The following RUNX3 variants were observed in gnomAD, a reference collection of about 807,000 sequenced individuals.
The protein encoded by RUNX3 is RUNX family transcription factor 3.
In RUNX3, 10 loss-of-function variants were observed where a neutral mutation model predicts 27.7. The observed-to-expected ratio is 0.36, with a 90% CI of 0.22 to 0.61. The LOEUF (loss-of-function observed/expected upper bound fraction) is 0.61, where lower values mean the gene tolerates loss of function less well. Among genes scored for constraint, RUNX3 ranks in the 20% least tolerant of loss-of-function variants. RUNX3 has a pLI of 0.72. For synonymous variants in RUNX3, 270 were observed against 269.2 expected, an observed-to-expected ratio of 1.00 and a Z score of -0.03; for missense variants, 469 against 629.5, an observed-to-expected ratio of 0.75 and a Z score of 2.73.
At chr1:24,918,256 G>A (rs1037354998) in intron 3 of RUNX3, among the ~76,000 whole-genome samples, 10 of 151,626 alleles carry the variant, frequency 6.6e-5, no homozygotes, top group African/African-American at 2.4e-4. Context: ...TCCTGCCCCA[G>A]GCCTGCTCAG....
upstream of RUNX3, among the ~76,000 whole-genome samples, chr1:24,932,163 C>T (rs933760256): frequency 6.6e-6 from 1 of 152,210 alleles, no homozygotes; most frequent in African/African-American, 2.4e-5. Context: ...CTTGTTCCTC[C>T]GCCTGATTTC....
chr1:24,946,281 T>C (rs1641603649), intron 2 of RUNX3, among the ~76,000 whole-genome samples: 1 of 152,148 alleles, frequency 6.6e-6, no homozygotes, highest in Non-Finnish European at 1.5e-5. Flanking sequence ...ATTAAAACCA[T>C]CCATAATCCT....
intron 1 of RUNX3, chr1:24,964,815 A>G (rs1642217680): frequency 1.9e-6 from 2 of 1,046,954 alleles, no homozygotes; most frequent in Non-Finnish European, 2.6e-6. Flanking sequence ...ATCCCCAAGG[A>G]AAGTAAGTTT....
At chr1:24,909,344 C>T (rs1199180470) in intron 3 of RUNX3, among the ~76,000 whole-genome samples, 1 of 152,220 alleles carries the variant, frequency 6.6e-6, no homozygotes, top group Non-Finnish European at 1.5e-5. Flanking sequence ...TCTTTCCAGA[C>T]ATTTTTCATC....
intron 3 of RUNX3, among the ~76,000 whole-genome samples, chr1:24,908,188 C>T (rs1312780254): frequency 5.2e-4 from 76 of 145,984 alleles, no homozygotes; most frequent in African/African-American, 1.9e-3. Flanking sequence ...CTCTACGACA[C>T]GCGGTGATCC....
chr1:24,919,060 G>A (rs906536868), intron 3 of RUNX3, among the ~76,000 whole-genome samples, 180 bp downstream of exon 3: 1 of 152,228 alleles, frequency 6.6e-6, no homozygotes, highest in Non-Finnish European at 1.5e-5. Context: ...GGCCTCCCAC[G>A]GTCTCAGGCT....
chr1:24,949,656 C>T (rs1641707977), intron 2 of RUNX3, among the ~76,000 whole-genome samples: 1 of 152,262 alleles, frequency 6.6e-6, no homozygotes, highest in South Asian at 2.1e-4. Context: ...GCTTTTCATT[C>T]CCCGTGATGT....
chr1:24,957,852 C>T (rs763165413), intron 2 of RUNX3, among the ~76,000 whole-genome samples: 6 of 152,318 alleles, frequency 3.9e-5, no homozygotes, highest in African/African-American at 9.6e-5. Context: ...CGCCACACAG[C>T]GAGGAAGTGG....
At chr1:24,942,395 C>T (rs547344271) in intron 2 of RUNX3, among the ~76,000 whole-genome samples, 49 of 152,264 alleles carry the variant, frequency 3.2e-4, no homozygotes, top group Non-Finnish European at 1.8e-4. Context: ...TAAATAAGCA[C>T]GCCAATATTT....
At chr1:24,953,664 A>G (rs1641837579) in intron 2 of RUNX3, among the ~76,000 whole-genome samples, 1 of 152,182 alleles carries the variant, frequency 6.6e-6, no homozygotes, top group African/African-American at 2.4e-5. Flanking sequence ...CTTCTTAGAC[A>G]TATCCTAACA....
rs146713296 is a variant in RUNX3, at chr1:24,919,679, T to C, written c.440-335A>G. Among the ~76,000 whole-genome samples the C allele has an allele frequency of 1.1e-3, 161 of 152,166 alleles. 1 individual carries two copies. Among genetic ancestry groups the C allele is most frequent in the African/African-American group, 3.7e-3 (152 of 41,486 alleles). On this transcript the variant is annotated intron_variant, in intron 2 of 4. Transcript: ENST00000308873. Reference sequence around the variant, plus strand: ...TGGGGAGCAGGATGGGTATATTCTATTTTCTGAAAGTAATTGGTGATCTTT... The same window carrying C: ...TGGGGAGCAGGATGGGTATATTCTACTTTCTGAAAGTAATTGGTGATCTTT...
intron 2 of RUNX3, among the ~76,000 whole-genome samples, chr1:24,940,529 A>G (rs1177654905): frequency 6.6e-6 from 1 of 152,190 alleles, no homozygotes; most frequent in Admixed American, 6.5e-5. Context: ...GTCATCCCAG[A>G]ATTTCTGCTC....
intron 2 of RUNX3, among the ~76,000 whole-genome samples, chr1:24,951,760 C>T (rs1425443175): frequency 1.3e-5 from 2 of 152,192 alleles, no homozygotes; most frequent in East Asian, 3.8e-4. Context: ...ATGCAGGCTG[C>T]CTGGGTGGGT....
intron 2 of RUNX3, among the ~76,000 whole-genome samples, chr1:24,954,265 G>A (rs1218417799): frequency 6.6e-6 from 1 of 152,172 alleles, no homozygotes; most frequent in Non-Finnish European, 1.5e-5. Flanking sequence ...GATCCTTCAG[G>A]TGTTCTACAA....
intron 1 of RUNX3, among the ~76,000 whole-genome samples, chr1:24,928,365 G>A (rs1641140762): frequency 6.6e-6 from 1 of 152,210 alleles, no homozygotes; most frequent in Admixed American, 6.5e-5. Context: ...GGATGCACCT[G>A]CCGGGAATTG....
At position 24,921,123 on chromosome 1, in the gene RUNX3, C is replaced by T. The variant is rs370019300; in HGVS notation, c.440-1779G>A. On this transcript the variant is annotated intron_variant, in intron 2 of 4. Transcript: ENST00000308873. ...AGAGAGGCTGCCCAAGCGCATCCCT[C>T]TGGTGTCCCCCTGACACGCCTCCAA... 1.0e-3 allele frequency among the ~76,000 whole-genome samples: 154 copies of T among 152,310 alleles called. 6 individuals are homozygous for T. The South Asian group carries it at 0.03, about 30-fold the overall frequency.
At chr1:24,911,368 G>A (rs544358601) in intron 3 of RUNX3, among the ~76,000 whole-genome samples, 11 of 152,328 alleles carry the variant, frequency 7.2e-5, no homozygotes, top group Admixed American at 2.6e-4. Context: ...TTACTCCTGC[G>A]GCCTGGCGGA....
At chr1:24,918,222 G>C (rs1640925660) in intron 3 of RUNX3, among the ~76,000 whole-genome samples, 1 of 152,226 alleles carries the variant, frequency 6.6e-6, no homozygotes, top group South Asian at 2.1e-4. Context: ...GGCCAGCCCA[G>C]GGCTAGGCCT....
intron 2 of RUNX3, among the ~76,000 whole-genome samples, chr1:24,954,622 C>G (rs1316214189): frequency 6.6e-6 from 1 of 152,258 alleles, no homozygotes; most frequent in East Asian, 1.9e-4. Context: ...GCCGCCGTCA[C>G]TAGCCCTGGG....
Sources: allele counts gnomAD v4.1 joint callset (sites outside exome capture counted in the v4.1 genomes callset), GRCh38; gene constraint gnomAD v4.1.1; transcripts MANE v1.5; gene names NCBI Gene and HGNC (gene_info 2026-07-23, HGNC 2026-07-21).